Variants in AHCY observed in about 807,000 individuals in gnomAD.
The protein encoded by AHCY is adenosylhomocysteinase, also known as S-adenosyl-L-homocysteine hydrolase.
AHCY carries 24 observed loss-of-function variants against 45.4 expected under a neutral mutation model. The ratio of observed to expected loss-of-function variants is 0.53; its 90% CI spans 0.38 to 0.74. AHCY has a LOEUF of 0.74. Among genes scored for constraint, AHCY ranks in the 30% least tolerant of loss-of-function variants. The probability of loss-of-function intolerance (pLI) is 0.00; values close to 1 mark genes in which losing one functional copy is unlikely to be tolerated. For synonymous variants in AHCY, 245 were observed against 235.1 expected (o/e 1.04, Z -0.39); for missense variants, 449 against 594.1 (o/e 0.76, Z 2.54).
downstream of AHCY, among the ~76,000 whole-genome samples, chr20:34,277,282 A>G (rs1431923336): frequency 2.6e-5 from 4 of 152,194 alleles, no homozygotes; most frequent in Non-Finnish European, 2.9e-5. Context: ...AGTGACCCGG[A>G]TAAGTCACAA....
intron 8 of AHCY, among the ~76,000 whole-genome samples, chr20:34,287,012 G>T (rs2036210688): frequency 6.6e-6 from 1 of 151,948 alleles, no homozygotes; most frequent in African/African-American, 2.4e-5. Context: ...TGTCCCAGCT[G>T]TCTGAACACA....
chr20:34,259,829 A>G, the AHCY span, among the ~76,000 whole-genome samples: 1 of 152,102 alleles, frequency 6.6e-6, no homozygotes, highest in Non-Finnish European at 1.5e-5. Context: ...TCCTCCTGAC[A>G]CAAACTATAC....
downstream of AHCY, among the ~76,000 whole-genome samples, chr20:34,275,966 C>G (rs1027738418): frequency 6.6e-6 from 1 of 152,076 alleles, no homozygotes; most frequent in Non-Finnish European, 1.5e-5. Flanking sequence ...GCTGGGATTA[C>G]AGGTGTGAGC....
At chr20:34,256,157 C>T in the AHCY span, among the ~76,000 whole-genome samples, 5 of 152,250 alleles carry the variant, frequency 3.3e-5, no homozygotes, top group African/African-American at 7.2e-5. Context: ...CCTCTCTCTC[C>T]GCCTCGGCTG....
At chr20:34,233,792 T>C in the AHCY span, among the ~76,000 whole-genome samples, 1 of 152,150 alleles carries the variant, frequency 6.6e-6, no homozygotes. Flanking sequence ...GTGGCCACAA[T>C]TGGCTGATCA....
chr20:34,237,915 T>C, the AHCY span, among the ~76,000 whole-genome samples: 1 of 152,212 alleles, frequency 6.6e-6, no homozygotes, highest in Non-Finnish European at 1.5e-5. Context: ...GATAATCTGA[T>C]ATAGGATTCT....
chr20:34,260,547 G>A, the AHCY span: 7 of 1,597,220 alleles, frequency 4.4e-6, no homozygotes, highest in Non-Finnish European at 6.0e-6. Flanking sequence ...AAGTCACCTA[G>A]CCTCTGGGCT....
At position 34,290,531 on chromosome 20, in the gene AHCY, ACCC is replaced by A. The variant is rs753303222; in HGVS notation, c.854+17_854+19del. The A allele has an allele frequency of 6.2e-6, 10 of 1,613,340 alleles. No homozygotes were observed. The highest frequency in any genetic ancestry group is 1.1e-5 in the South Asian group (1 of 90,974). ...CTGCCCTCCTCCCTCACTCCCCGGGACCCCCCATCTGGCACCTACCGGCCAAGG... is the reference window on the plus strand; with the variant it reads ...CTGCCCTCCTCCCTCACTCCCCGGGACCCATCTGGCACCTACCGGCCAAGG... On this transcript the variant is annotated intron_variant, in intron 7 of 9. Coordinates refer to ENST00000217426, the MANE Select transcript of AHCY (RefSeq NM_000687.4). This position sits in a 1 kb window ranked among gnomAD's most constrained non-coding sequence, Gnocchi z 4.5.
chr20:34,303,383 A>T, upstream of AHCY: 1 of 1,460,818 alleles, frequency 6.8e-7, no homozygotes, highest in Non-Finnish European at 9.4e-7. Flanking sequence ...ACGCCTTTAA[A>T]TATCTTCCTC....
the AHCY span, among the ~76,000 whole-genome samples, chr20:34,240,148 G>A: frequency 6.6e-6 from 1 of 152,096 alleles, no homozygotes; most frequent in African/African-American, 2.4e-5. Context: ...TTGGAAAGAA[G>A]GGAAAAAAAG....
At chr20:34,275,491 T>C (rs774817512), downstream of AHCY, among the ~76,000 whole-genome samples, 2 of 152,068 alleles carry the variant, frequency 1.3e-5, no homozygotes, top group African/African-American at 2.4e-5. Context: ...TCTTCTCCAC[T>C]ACAGCGAGAC....
chr20:34,239,557 G>A, the AHCY span, among the ~76,000 whole-genome samples: 23 of 152,326 alleles, frequency 1.5e-4, no homozygotes, highest in Admixed American at 3.9e-4. Flanking sequence ...TTTGTGGAAT[G>A]CTTCAGAGTT....
chr20:34,286,251 A>G (rs1315852123), intron 8 of AHCY: 1 of 166,594 alleles, frequency 6.0e-6, no homozygotes, highest in Non-Finnish European at 1.3e-5. Flanking sequence ...GATCACTGTC[A>G]TGTGCCCTGT....
At position 34,290,380 on chromosome 20, in the gene AHCY, G is replaced by C. The variant is rs1227037200; in HGVS notation, c.924C>G (p.Val308=). 1 of 1,613,972 alleles carries C rather than the reference G, an allele frequency of 6.2e-7. No homozygotes were observed. Among genetic ancestry groups the C allele is most frequent in the Admixed American group, 1.7e-5 (1 of 59,994 alleles). The change falls in exon 8 of 10, where the codon GTC becomes GTG. Residue 308 remains valine (V), a synonymous_variant. Transcript: ENST00000217426. This position sits in a 1 kb window ranked among gnomAD's most constrained non-coding sequence, Gnocchi z 4.5. The part of the protein sequence containing the change: ...NIGHFDVEID[V]KWLNENAVEK... ...CCACGGCGTTCTCGTTGAGCCACTTGACATCGATCTCCACGTCAAAGTGTC... is the reference window on the plus strand; with the variant it reads ...CCACGGCGTTCTCGTTGAGCCACTTCACATCGATCTCCACGTCAAAGTGTC...
chr20:34,267,338 G>A, the AHCY span, among the ~76,000 whole-genome samples: 92 of 151,542 alleles, frequency 6.1e-4, no homozygotes, highest in African/African-American at 2.0e-3. Context: ...TTTAAATAGA[G>A]TGAAAAACTC....
At chr20:34,271,018 G>C in the AHCY span, among the ~76,000 whole-genome samples, 3 of 152,232 alleles carry the variant, frequency 2.0e-5, no homozygotes, top group South Asian at 2.1e-4. Flanking sequence ...CTGTCACTCA[G>C]GTGGGAGTGC....
chr20:34,265,093 C>A, the AHCY span, among the ~76,000 whole-genome samples: 4 of 152,074 alleles, frequency 2.6e-5, no homozygotes, highest in African/African-American at 4.8e-5. Flanking sequence ...CCATGCCCAG[C>A]CAGTTTACTT....
At chr20:34,243,572 A>G in the AHCY span, among the ~76,000 whole-genome samples, 334 of 152,232 alleles carry the variant, frequency 2.2e-3, 8 homozygotes, top group Admixed American at 0.022. Context: ...TGTGGAGCAC[A>G]TGTTGATACA....
the AHCY span, among the ~76,000 whole-genome samples, chr20:34,233,783 T>C: frequency 6.6e-6 from 1 of 152,184 alleles, no homozygotes; most frequent in Admixed American, 6.5e-5. Context: ...CACAATGATG[T>C]GGCCACAATT....
Sources: gnomAD v4.1 joint callset for allele counts (sites outside exome capture counted in the v4.1 genomes callset) on GRCh38, gnomAD v4.1.1 for gene constraint, Gnocchi (gnomAD v3.1) non-coding constraint, MANE v1.5 for transcripts, NCBI Gene and HGNC (gene_info 2026-07-23, HGNC 2026-07-21) for gene names.